MED31: variants seen among roughly 807,000 people sequenced by gnomAD.
MED31 encodes the protein mediator of RNA polymerase II transcription subunit 31.
In MED31, 11 loss-of-function variants were observed where a neutral mutation model predicts 22.0. That is an observed-to-expected ratio of 0.50 (90% confidence interval 0.31 to 0.83). The LOEUF (loss-of-function observed/expected upper bound fraction) is 0.83, where lower values mean the gene tolerates loss of function less well. MED31 is among the 40% of genes least tolerant of loss of function. The pLI, the probability that MED31 is intolerant of heterozygous loss-of-function variation, is 0.04. For missense variants in MED31, 122 were observed against 155.3 expected (o/e 0.79, Z 1.14); for synonymous variants, 60 against 55.1 (o/e 1.09, Z -0.40).
At chr17:6,651,389 T>C in intron 1 of MED31, 112 bp downstream of exon 1, 2 of 1,383,340 alleles carry the variant, frequency 1.4e-6, no homozygotes, top group East Asian at 2.3e-5. Flanking sequence ...CTCTCCTCTC[T>C]GTCCAAATAT....
intron 3 of MED31, 29 bp from the exon 4 acceptor site, chr17:6,644,688 A>T (rs1201366536): frequency 6.6e-7 from 1 of 1,521,254 alleles, no homozygotes; most frequent in Non-Finnish European, 8.8e-7. Flanking sequence ...GTGAATGAAC[A>T]ACATAATTTA....
At position 6,643,844 on chromosome 17, in the gene MED31, G is replaced by C. The variant is rs1597631150; in HGVS notation, c.*623C>G. On this transcript the variant is annotated 3_prime_UTR_variant, in exon 4 of 4. Transcript: ENST00000225728. Reference sequence around the variant, plus strand: ...TGAGGCTCCTCATGTTTGTTCTAAAGTCAAGAGTCCAGTTAGTAACTAACC... The same window carrying C: ...TGAGGCTCCTCATGTTTGTTCTAAACTCAAGAGTCCAGTTAGTAACTAACC... 1.4e-5 allele frequency: 5 copies of C among 347,208 alleles called. No individual in the cohort carries two copies. The East Asian group carries it at 2.1e-4, about 15-fold the overall frequency. The allele number at this position is 347,208 out of a possible 1,614,324, so 21.5% of individuals were successfully genotyped here. A position where few individuals can be genotyped will look rare whatever the true frequency, so the allele number is the denominator to read the frequency against.
rs967445438 is a variant in MED31 at position 6,643,549 on chromosome 17, T to C, written c.*918A>G. On this transcript the variant is annotated 3_prime_UTR_variant, in exon 4 of 4. Transcript: ENST00000225728. ...TTGCAGCTGTCTCAATGTGCTTTAC[T>C]TGGGATGAGGCAGGTGGCGGAGAGC... 2.6e-5 allele frequency: 4 copies of C among 152,912 alleles called. No homozygotes were observed. The highest frequency in any genetic ancestry group is 9.6e-5 in the African/African-American group (4 of 41,472). 9.5% of individuals were successfully genotyped at this position (152,912 alleles called of 1,614,324 possible).
intron 1 of MED31, 125 bp downstream of exon 1, chr17:6,651,376 C>G: frequency 1.5e-6 from 2 of 1,290,724 alleles, no homozygotes; most frequent in East Asian, 2.4e-5. Context: ...CTACAAGAGC[C>G]TTCTCTCCTC....
In MED31 at chr17:6,650,287, T is replaced by C; in HGVS notation, c.106+69A>G. 3.4e-6 allele frequency: 5 copies of C among 1,489,210 alleles called. No individual in the cohort carries two copies. The South Asian group carries it at 4.6e-5, about 14-fold the overall frequency. The allele number at this position is 1,489,210 out of a possible 1,614,324, so 92.2% of individuals were successfully genotyped here. A position where few individuals can be genotyped will look rare whatever the true frequency, so the allele number is the denominator to read the frequency against. On this transcript the variant is annotated intron_variant, in intron 2 of 3. Transcript: ENST00000225728. ...AGAATGTGTAAAAGTAGATACTATT[T>C]TGAACTGCAACTCTTCTGTCAGAAA...
chr17:6,644,245 A>G lies in MED31; in HGVS notation c.*222T>C, dbSNP rs1972735231. The G allele has an allele frequency of 7.1e-6, 4 of 564,874 alleles. No individual in the cohort carries two copies. Among genetic ancestry groups the G allele is most frequent in the South Asian group, 4.0e-5 (1 of 25,290 alleles). 35.0% of individuals were successfully genotyped at this position (564,874 alleles called of 1,614,324 possible). ...TCAGCTGATTATGCTAAATGCGTAA[A>G]AAAGAAAAACACCTTACAAATCCAC... On this transcript the variant is annotated 3_prime_UTR_variant, in exon 4 of 4. Coordinates refer to ENST00000225728, the MANE Select transcript of MED31 (RefSeq NM_016060.3).
At chr17:6,651,346 T>C (rs1972832809) in intron 1 of MED31, 155 bp downstream of exon 1, 2 of 1,012,378 alleles carry the variant, frequency 2.0e-6, no homozygotes, top group South Asian at 1.7e-5. Flanking sequence ...CTGCAAAGAG[T>C]ACCTTAGTCT....
In MED31 at chr17:6,644,471, T is replaced by G. The variant is rs965032031; in HGVS notation, c.392A>C (p.Lys131Thr). The G allele has an allele frequency of 2.5e-6, 4 of 1,591,944 alleles. No individual in the cohort carries two copies. The highest frequency in any genetic ancestry group is 3.4e-6 in the Non-Finnish European group (4 of 1,170,584). ...GCCTCGTTTGTATCCAGTTTTTCAT[T>G]TTCCCGATGTGTTATTTTGCTGTTG... ...EQQQQNNTSG[K>T] The change falls in exon 4 of 4, where the codon AAA (lysine) becomes ACA (threonine). Residue 131 changes from lysine to threonine, a missense_variant. By Grantham distance (78) the Lys-to-Thr change is moderately conservative (BLOSUM62 -1). Coordinates refer to ENST00000225728, the MANE Select transcript of MED31 (RefSeq NM_016060.3).
At chr17:6,646,705 G>T (rs1211679714) in intron 3 of MED31, among the ~76,000 whole-genome samples, 1 of 151,910 alleles carries the variant, frequency 6.6e-6, no homozygotes, top group Non-Finnish European at 1.5e-5. Context: ...AGAAAAGCCT[G>T]GGTATTGTCC....
intron 3 of MED31, among the ~76,000 whole-genome samples, chr17:6,647,380 C>T (rs1158091004): frequency 6.6e-6 from 1 of 152,224 alleles, no homozygotes; most frequent in East Asian, 1.9e-4. Context: ...CAGATAAAGC[C>T]AAAGTTGCAC....
chr17:6,649,143 A>AT (rs1159577622), intron 3 of MED31, among the ~76,000 whole-genome samples: 1 of 150,764 alleles, frequency 6.6e-6, no homozygotes, highest in Non-Finnish European at 1.5e-5. Context: ...TTTTTTTTTA[A>AT]AGGTTCATTA....
intron 3 of MED31, among the ~76,000 whole-genome samples, chr17:6,647,193 C>T (rs1429975343): frequency 1.3e-5 from 2 of 152,208 alleles, no homozygotes; most frequent in Non-Finnish European, 2.9e-5. Context: ...TCAATAAATA[C>T]TGAAGGAACT....
chr17:6,650,346 A>T lies in MED31; in HGVS notation c.106+10T>A. The T allele has an allele frequency of 6.2e-7, 1 of 1,612,398 alleles. No homozygotes were observed. Among genetic ancestry groups the T allele is most frequent in the Non-Finnish European group, 8.5e-7 (1 of 1,178,970 alleles). On this transcript the variant is annotated intron_variant, in intron 2 of 3. Coordinates refer to ENST00000225728, the MANE Select transcript of MED31 (RefSeq NM_016060.3). The stretch of plus-strand genomic sequence containing the variant: ...AGCTACTCAATTTAATGAGGTGCTT[A>T]ACAACTTACAATTAAGGTAATTTGG...
intron 3 of MED31, among the ~76,000 whole-genome samples, chr17:6,646,863 C>T (rs1972774075): frequency 6.6e-6 from 1 of 152,206 alleles, no homozygotes; most frequent in African/African-American, 2.4e-5. Flanking sequence ...AAGATGAAGG[C>T]TTCTGTCTCC....
In MED31 at chr17:6,650,404, A is replaced by G. The variant is rs371954305; in HGVS notation, c.58T>C (p.Leu20=). 12 of 1,614,020 alleles carry G rather than the reference A, an allele frequency of 7.4e-6. No individual in the cohort carries two copies. The African/African-American group carries it at 1.1e-4, about 14-fold the overall frequency. ...AAACATTGCACAAATTCCAACTCCA[A>G]CTGAAACCGAAGTCGATTTCCAGCA... ...DDAGNRLRFQ[L]ELEFVQCLAN... is the part of the protein sequence containing the mutation. The change falls in exon 2 of 4, where the codon TTG becomes CTG. Residue 20 remains leucine, a synonymous_variant. Transcript: ENST00000225728.
At chr17:6,650,171 C>T in intron 2 of MED31, 93 bp from the exon 3 acceptor site, 3 of 1,294,874 alleles carry the variant, frequency 2.3e-6, no homozygotes, top group South Asian at 1.4e-5. Context: ...TTACATAACA[C>T]CCCCACCACC....
intron 3 of MED31, among the ~76,000 whole-genome samples, chr17:6,647,744 T>C (rs1290852326): frequency 1.3e-5 from 2 of 152,244 alleles, no homozygotes; most frequent in African/African-American, 4.8e-5. Context: ...GCATTAGTAG[T>C]TAAAATGACC....
At position 6,651,570 on chromosome 17, in the gene MED31, A is replaced by G; in HGVS notation, c.-42T>C. On this transcript the variant is annotated 5_prime_UTR_variant, in exon 1 of 4. Coordinates refer to ENST00000225728, the MANE Select transcript of MED31 (RefSeq NM_016060.3). ...AAAACGCCACCAGCCTGACAGAGCA[A>G]AAGCCCAGAGACGCGGGCGAAGTTC... 6.2e-7 allele frequency: 1 copy of G among 1,613,564 alleles called. No individual in the cohort carries two copies. The highest frequency in any genetic ancestry group is 8.5e-7 in the Non-Finnish European group (1 of 1,179,722).
intron 3 of MED31, among the ~76,000 whole-genome samples, chr17:6,646,599 T>C (rs1266048022): frequency 6.6e-6 from 1 of 152,228 alleles, no homozygotes; most frequent in Non-Finnish European, 1.5e-5. Flanking sequence ...AACAATATGT[T>C]TGCAGGCAGT....
Sources: allele counts gnomAD v4.1 joint callset (sites outside exome capture counted in the v4.1 genomes callset), GRCh38; gene constraint gnomAD v4.1.1; transcripts MANE v1.5; gene names NCBI Gene and HGNC (gene_info 2026-07-23, HGNC 2026-07-21).